TMEM266: variants seen among roughly 807,000 people sequenced by gnomAD.
The protein encoded by TMEM266 is Hv1 related protein 1.
TMEM266 carries 33 observed loss-of-function variants against 50.5 expected under a neutral mutation model. The ratio of observed to expected loss-of-function variants is 0.65; its 90% CI spans 0.50 to 0.87. TMEM266 has a LOEUF of 0.87. Among genes scored for constraint, TMEM266 ranks in the 40% least tolerant of loss-of-function variants. The pLI is 0.00. For synonymous variants in TMEM266, 310 were observed against 292.3 expected (o/e 1.06, Z -0.62); for missense variants, 655 against 695.1 (o/e 0.94, Z 0.65).
chr15:76,204,035 C>T lies in TMEM266; in HGVS notation c.1316C>T (p.Thr439Ile). 6.2e-7 allele frequency: 1 copy of T among 1,609,904 alleles called. No individual in the cohort carries two copies. Among genetic ancestry groups the T allele is most frequent in the South Asian group, 1.1e-5 (1 of 91,012 alleles). ...TCCCAGCAGCAGGTGGAGGAGGCCA[C>T]AGTCCAGGACCTGCTGTCCTCCCTG... The change falls in exon 11 of 11, where the codon ACA becomes ATA. Residue 439 changes from threonine to isoleucine, a missense_variant. Physicochemically the swap from Thr to Ile is moderately conservative, Grantham distance 89. Transcript: ENST00000388942.
chr15:76,097,002 T>G (rs1236529835), intron 1 of TMEM266, among the ~76,000 whole-genome samples: 2 of 151,564 alleles, frequency 1.3e-5, no homozygotes, highest in African/African-American at 4.8e-5. Flanking sequence ...TGAGCCTATG[T>G]GTGTCTTTGC....
intron 1 of TMEM266, among the ~76,000 whole-genome samples, chr15:76,065,037 G>A (rs1384229206): frequency 6.6e-6 from 1 of 152,162 alleles, no homozygotes; most frequent in Admixed American, 6.5e-5. Context: ...ACCTGAATTT[G>A]ATGCAGGGCT....
At chr15:76,182,438 C>T (rs2038428536) in intron 8 of TMEM266, among the ~76,000 whole-genome samples, 1 of 151,814 alleles carries the variant, frequency 6.6e-6, no homozygotes, top group Admixed American at 6.6e-5. Context: ...AGGTCGAGAC[C>T]ATCCTGGCTA....
intron 10 of TMEM266, 90 bp from the exon 11 acceptor site, chr15:76,203,651 T>TGCCCACC: frequency 8.0e-7 from 1 of 1,257,372 alleles, no homozygotes; most frequent in Non-Finnish European, 1.1e-6. Flanking sequence ...CCACACTCAT[T>TGCCCACC]GCCCACCGCC....
intron 1 of TMEM266, among the ~76,000 whole-genome samples, chr15:76,085,347 T>C (rs2036760260): frequency 6.6e-6 from 1 of 151,068 alleles, no homozygotes; most frequent in Admixed American, 6.6e-5. Context: ...AACCTCCACC[T>C]CCTGGGTTCA....
chr15:76,147,607 A>G (rs1423545635), intron 3 of TMEM266, among the ~76,000 whole-genome samples: 4 of 152,236 alleles, frequency 2.6e-5, no homozygotes, highest in African/African-American at 9.7e-5. Flanking sequence ...TCCGGTTTCA[A>G]GGAGAATTCT....
chr15:76,142,097 C>T (rs897041394), intron 3 of TMEM266, among the ~76,000 whole-genome samples: 1 of 152,104 alleles, frequency 6.6e-6, no homozygotes, highest in African/African-American at 2.4e-5. Flanking sequence ...TCTTCAAAAC[C>T]CTGCTTTCAG....
chr15:76,196,158 G>C (rs1596171117), intron 9 of TMEM266, among the ~76,000 whole-genome samples: 2 of 152,308 alleles, frequency 1.3e-5, no homozygotes, highest in South Asian at 4.1e-4. Flanking sequence ...GGCAGGCCCA[G>C]GCCTCCCATA....
At chr15:76,125,566 G>T (rs1006455846) in intron 1 of TMEM266, among the ~76,000 whole-genome samples, 1 of 151,510 alleles carries the variant, frequency 6.6e-6, no homozygotes, top group Non-Finnish European at 1.5e-5. Flanking sequence ...AAAAAAATGG[G>T]GCTGGGCATG....
intron 1 of TMEM266, among the ~76,000 whole-genome samples, chr15:76,065,340 A>G (rs1396726602): frequency 1.3e-5 from 2 of 152,148 alleles, no homozygotes; most frequent in African/African-American, 2.4e-5. Flanking sequence ...GAACTCTTAA[A>G]GGTCACCGGT....
At chr15:76,114,860 CT>C (rs2037224622) in intron 1 of TMEM266, among the ~76,000 whole-genome samples, 1 of 152,192 alleles carries the variant, frequency 6.6e-6, no homozygotes, top group South Asian at 2.1e-4. Context: ...CACTAATCTG[CT>C]TTTTTATCCA....
intron 8 of TMEM266, among the ~76,000 whole-genome samples, chr15:76,184,884 C>T (rs151143427): frequency 2.0e-5 from 3 of 152,336 alleles, no homozygotes; most frequent in Admixed American, 2.0e-4. Flanking sequence ...ATGATGTGCA[C>T]TAAATGGGGC....
intron 1 of TMEM266, among the ~76,000 whole-genome samples, chr15:76,070,689 G>A (rs1207235434): frequency 6.6e-6 from 1 of 152,160 alleles, no homozygotes; most frequent in Admixed American, 6.6e-5. Flanking sequence ...TTCTTATTAA[G>A]GATTCAAAGT....
At chr15:76,091,107 G>C (rs983357093) in intron 1 of TMEM266, among the ~76,000 whole-genome samples, 25 of 151,730 alleles carry the variant, frequency 1.6e-4, no homozygotes, top group African/African-American at 5.6e-4. Flanking sequence ...GGAGATCCTG[G>C]CTAACATATC....
chr15:76,130,411 C>T (rs561493487), intron 1 of TMEM266, among the ~76,000 whole-genome samples: 1 of 152,192 alleles, frequency 6.6e-6, no homozygotes, highest in South Asian at 2.1e-4. Context: ...CATGGCGGCA[C>T]ACGCCTGTAA....
chr15:76,141,743 T>TC (rs1218778834), intron 3 of TMEM266, among the ~76,000 whole-genome samples: 1 of 152,096 alleles, frequency 6.6e-6, no homozygotes, highest in Admixed American at 6.6e-5. Context: ...AGCTTCCTGT[T>TC]CCCCCACTCC....
chr15:76,192,293 G>A (rs1166596116), intron 9 of TMEM266, 136 bp downstream of exon 9: 3 of 825,164 alleles, frequency 3.6e-6, no homozygotes, highest in Non-Finnish European at 3.4e-6. Context: ...TCGTGATTGG[G>A]GGACACGCTC....
In TMEM266 at chr15:76,192,058, C is replaced by T. The variant is rs775280219; in HGVS notation, c.859C>T (p.Leu287Phe). ...AGCGGCGCTCCAGGCCCCGCACGTGCTCAGCCAGCCGCGCAGCCGCTTCAA... is the reference window on the plus strand; with the variant it reads ...AGCGGCGCTCCAGGCCCCGCACGTGTTCAGCCAGCCGCGCAGCCGCTTCAA... Residue 287 changes from leucine to phenylalanine, a missense_variant, in exon 9 of 11, where the codon CTC becomes TTC. This residue lies in a region of TMEM266 where 455 missense variants were observed against 401.8 expected (regional missense o/e 1.13). Coordinates refer to ENST00000388942, the MANE Select transcript of TMEM266 (RefSeq NM_152335.3). 4.6e-6 allele frequency: 7 copies of T among 1,512,608 alleles called. No homozygotes were observed. The highest frequency in any genetic ancestry group is 1.8e-6 in the Non-Finnish European group (2 of 1,137,208). 93.7% of individuals were successfully genotyped at this position (1,512,608 alleles called of 1,614,324 possible).
Position 76,192,060 on chromosome 15 carries a change from C to G in TMEM266, c.861C>G (p.Leu287=). 6.6e-7 allele frequency: 1 copy of G among 1,506,756 alleles called. No homozygotes were observed. Among genetic ancestry groups the G allele is most frequent in the East Asian group, 2.7e-5 (1 of 37,012 alleles). The allele number at this position is 1,506,756 out of a possible 1,614,324, so 93.3% of individuals were successfully genotyped here. A position where few individuals can be genotyped will look rare whatever the true frequency, so the allele number is the denominator to read the frequency against. ...CGGCGCTCCAGGCCCCGCACGTGCT[C>G]AGCCAGCCGCGCAGCCGCTTCAAAG... The change falls in exon 9 of 11, where the codon CTC becomes CTG. Residue 287 remains leucine (L), a synonymous_variant. Transcript: ENST00000388942.
Sources: gnomAD v4.1 joint callset for allele counts (sites outside exome capture counted in the v4.1 genomes callset) on GRCh38, gnomAD v4.1.1 for gene constraint, gnomAD v4.1.1 regional missense constraint, MANE v1.5 for transcripts, NCBI Gene and HGNC (gene_info 2026-07-23, HGNC 2026-07-21) for gene names.